SCFD1: variants seen among roughly 807,000 people sequenced by gnomAD.
SCFD1 encodes sec1 family domain containing 1.
SCFD1 carries 37 observed loss-of-function variants against 103.2 expected under a neutral mutation model. The ratio of observed to expected loss-of-function variants is 0.36; its 90% CI spans 0.28 to 0.47. The LOEUF (loss-of-function observed/expected upper bound fraction) is 0.47. SCFD1 is among the 20% of genes least tolerant of loss of function. The pLI is 1.00. For missense variants in SCFD1, 639 were observed against 761.2 expected (o/e 0.84, Z 1.89); for synonymous variants, 264 against 245.0 (o/e 1.08, Z -0.73).
At chr14:30,662,427 G>A (rs1887533109) in intron 10 of SCFD1, among the ~76,000 whole-genome samples, 1 of 152,102 alleles carries the variant, frequency 6.6e-6, no homozygotes, top group African/African-American at 2.4e-5. Flanking sequence ...CCTTAGTTCT[G>A]TTCACTTCCA....
intron 21 of SCFD1, among the ~76,000 whole-genome samples, chr14:30,720,170 G>C (rs1282974402): frequency 3.9e-5 from 6 of 152,114 alleles, no homozygotes; most frequent in African/African-American, 1.2e-4. Flanking sequence ...AACTTGAAAC[G>C]TTATTCCCTT....
chr14:30,715,738 T>C (rs1217429248), intron 19 of SCFD1, 186 bp from the exon 20 acceptor site: 5 of 492,214 alleles, frequency 1.0e-5, no homozygotes, highest in Non-Finnish European at 1.8e-5. Flanking sequence ...TATTTTCCTG[T>C]GGAAACTTGA....
intron 14 of SCFD1, among the ~76,000 whole-genome samples, chr14:30,677,192 T>C (rs1165717445): frequency 3.9e-5 from 6 of 152,158 alleles, no homozygotes; most frequent in Non-Finnish European, 8.8e-5. Context: ...TGACAGGGTC[T>C]CTCCCTGTCA....
intron 1 of SCFD1, among the ~76,000 whole-genome samples, chr14:30,626,030 G>A (rs533298136): frequency 1.3e-5 from 2 of 152,216 alleles, no homozygotes; most frequent in African/African-American, 4.8e-5. Flanking sequence ...CAGGGTGGTG[G>A]TGTCTTTATT....
intron 19 of SCFD1, among the ~76,000 whole-genome samples, chr14:30,712,933 A>T (rs17097117): frequency 0.025 from 3,798 of 152,302 alleles, 181 homozygotes; most frequent in African/African-American, 0.087. Flanking sequence ...TGAAGCACAC[A>T]GACTTTTTAT....
At chr14:30,675,539 A>T (rs1888956529) in intron 14 of SCFD1, among the ~76,000 whole-genome samples, 1 of 152,188 alleles carries the variant, frequency 6.6e-6, no homozygotes, top group Non-Finnish European at 1.5e-5. Context: ...TTTTGAAACA[A>T]GTATGTTGGG....
chr14:30,703,274 A>G (rs539634210), intron 17 of SCFD1, among the ~76,000 whole-genome samples: 7 of 149,662 alleles, frequency 4.7e-5, no homozygotes, highest in African/African-American at 1.5e-4. Context: ...GCTGGGGGTG[A>G]TAGCTAAATT....
intron 10 of SCFD1, chr14:30,658,234 A>G (rs909251225): frequency 3.2e-6 from 1 of 316,788 alleles, no homozygotes; most frequent in Non-Finnish European, 6.3e-6. Flanking sequence ...GACTCTTATT[A>G]TTTGAAACAT....
chr14:30,670,144 T>A, intron 10 of SCFD1, 112 bp from the exon 11 acceptor site: 1 of 817,720 alleles, frequency 1.2e-6, no homozygotes, highest in Non-Finnish European at 1.9e-6. Flanking sequence ...GGAGGAGATG[T>A]TTTAAATTTC....
chr14:30,663,011 A>C (rs1262354662), intron 10 of SCFD1, among the ~76,000 whole-genome samples: 4 of 152,228 alleles, frequency 2.6e-5, no homozygotes, highest in Non-Finnish European at 5.9e-5. Flanking sequence ...AGTTGCTTTA[A>C]CATGATTGAG....
At chr14:30,637,345 A>G (rs1433838957) in intron 4 of SCFD1, among the ~76,000 whole-genome samples, 1 of 152,062 alleles carries the variant, frequency 6.6e-6, no homozygotes, top group East Asian at 1.9e-4. Flanking sequence ...CAGTATCGTG[A>G]ACATATTACT....
chr14:30,629,872 C>T (rs1026513935), intron 2 of SCFD1, among the ~76,000 whole-genome samples: 3 of 151,984 alleles, frequency 2.0e-5, no homozygotes, highest in Middle Eastern at 3.4e-3. Flanking sequence ...CACTGTGCCA[C>T]AGCCAGGGAC....
chr14:30,678,532 C>T (rs1036877988), intron 14 of SCFD1, among the ~76,000 whole-genome samples: 1 of 152,140 alleles, frequency 6.6e-6, no homozygotes, highest in Admixed American at 6.5e-5. Flanking sequence ...ATGCAACTTT[C>T]CCACTTGCTG....
At chr14:30,679,511 G>A (rs2139245685) in intron 14 of SCFD1, among the ~76,000 whole-genome samples, 1 of 152,142 alleles carries the variant, frequency 6.6e-6, no homozygotes, top group African/African-American at 2.4e-5. Context: ...GGAAATCATA[G>A]GTGATTTCTG....
intron 20 of SCFD1, among the ~76,000 whole-genome samples, chr14:30,716,827 CAA>C (rs143413024): frequency 0.021 from 3,260 of 152,042 alleles, 136 homozygotes; most frequent in African/African-American, 0.074. Context: ...GGTGTGAAAA[CAA>C]AGATACAGTG....
chr14:30,726,495 C>G (rs1893052734), intron 23 of SCFD1, among the ~76,000 whole-genome samples: 1 of 152,134 alleles, frequency 6.6e-6, no homozygotes, highest in African/African-American at 2.4e-5. Flanking sequence ...ATTTAGATTG[C>G]TTACTAAATG....
intron 14 of SCFD1, among the ~76,000 whole-genome samples, chr14:30,678,430 C>T (rs1889217756): frequency 6.6e-6 from 1 of 152,106 alleles, no homozygotes. Flanking sequence ...TAATTTGGGT[C>T]TAATAAAGAG....
intron 19 of SCFD1, among the ~76,000 whole-genome samples, chr14:30,711,167 G>A (rs968889543): frequency 6.6e-6 from 1 of 152,112 alleles, no homozygotes; most frequent in African/African-American, 2.4e-5. Context: ...TCTTTGGCCT[G>A]TTTGCAAAAA....
At chr14:30,712,679 A>G (rs978797958) in intron 19 of SCFD1, among the ~76,000 whole-genome samples, 1 of 152,232 alleles carries the variant, frequency 6.6e-6, no homozygotes, top group African/African-American at 2.4e-5. Flanking sequence ...TTTTTCAGAT[A>G]AAGTTCCTAG....
Sources: gnomAD v4.1 joint callset for allele counts (sites outside exome capture counted in the v4.1 genomes callset) on GRCh38, gnomAD v4.1.1 for gene constraint, MANE v1.5 for transcripts, NCBI Gene and HGNC (gene_info 2026-07-23, HGNC 2026-07-21) for gene names.